The following GABRR3 variants were observed in gnomAD, a reference collection of about 807,000 sequenced individuals.
GABRR3 encodes the protein gamma-aminobutyric acid receptor subunit rho-3.
In GABRR3, 29 loss-of-function variants were observed where a neutral mutation model predicts 43.2. That is an observed-to-expected ratio of 0.67 (90% confidence interval 0.50 to 0.92). GABRR3 has a LOEUF of 0.92. Ranked by LOEUF, GABRR3 falls within the 40% of genes least tolerant of loss-of-function variation. GABRR3 has a pLI of 0.00. For synonymous variants in GABRR3, 206 were observed against 195.9 expected, an observed-to-expected ratio of 1.05 and a Z score of -0.43; for missense variants, 576 against 572.3, an observed-to-expected ratio of 1.01 and a Z score of -0.07.
chr3:97,986,731 G>C, exon 10 of GABRR3: 5 of 1,582,544 alleles, frequency 3.2e-6, no homozygotes, highest in Non-Finnish European at 4.3e-6. Context: ...TATACACAAT[G>C]GGGAATAAAA....
chr3:98,006,938 T>TG (rs1706729644), intron 7 of GABRR3, among the ~76,000 whole-genome samples: 1 of 152,178 alleles, frequency 6.6e-6, no homozygotes, highest in Non-Finnish European at 1.5e-5. Flanking sequence ...GTTTTCTGTT[T>TG]GGGGCAATGA....
chr3:98,010,835 C>T (rs925106208), intron 5 of GABRR3, among the ~76,000 whole-genome samples: 2 of 152,330 alleles, frequency 1.3e-5, no homozygotes, highest in Admixed American at 6.5e-5. Context: ...CACCATGGCT[C>T]ACACCTGTAA....
chr3:97,993,125 G>T, intron 8 of GABRR3, 77 bp from the exon 9 acceptor site: 1 of 1,185,030 alleles, frequency 8.4e-7, no homozygotes. Flanking sequence ...CACACCAGGG[G>T]ATGCATTTCT....
intron 2 of GABRR3, among the ~76,000 whole-genome samples, chr3:98,027,598 C>T (rs1707037634): frequency 6.6e-6 from 1 of 152,258 alleles, no homozygotes; most frequent in South Asian, 2.1e-4. Flanking sequence ...TGCGAAAGCA[C>T]CTGCACCTGT....
At chr3:98,031,958 A>G (rs937386100) in intron 2 of GABRR3, among the ~76,000 whole-genome samples, 7 of 152,082 alleles carry the variant, frequency 4.6e-5, no homozygotes, top group African/African-American at 1.7e-4. Flanking sequence ...TCTTTAGGAA[A>G]AAAAGCCCCA....
chr3:98,019,638 G>A (rs1208292962), intron 3 of GABRR3, among the ~76,000 whole-genome samples: 1 of 151,864 alleles, frequency 6.6e-6, no homozygotes, highest in Non-Finnish European at 1.5e-5. Context: ...CAGGCTGGAG[G>A]GCAGTGGCAC....
chr3:98,029,315 CCTCTT>C (rs1451292482), intron 2 of GABRR3, among the ~76,000 whole-genome samples: 1 of 152,066 alleles, frequency 6.6e-6, no homozygotes, highest in Non-Finnish European at 1.5e-5. Flanking sequence ...TTCTATGCTC[CCTCTT>C]CTCAGTGTCA....
intron 7 of GABRR3, among the ~76,000 whole-genome samples, chr3:98,003,575 ACGTTGTGAAG>A (rs1706683156): frequency 6.6e-6 from 1 of 151,892 alleles, no homozygotes; most frequent in Non-Finnish European, 1.5e-5. Flanking sequence ...CTGCCTTGGA[ACGTTGTGAAG>A]CCTTCATTTT....
At chr3:98,008,798 C>CAAAAAAAAAA (rs57502092) in intron 6 of GABRR3, 158 bp downstream of exon 6, 2 of 113,848 alleles carry the variant, frequency 1.8e-5, no homozygotes, top group Non-Finnish European at 3.5e-5. Flanking sequence ...AAACAGAAAC[C>CAAAAAAAAAA]AAAAAAAAAA....
At chr3:98,013,332 A>G (rs773956338) in intron 4 of GABRR3, among the ~76,000 whole-genome samples, 2 of 152,220 alleles carry the variant, frequency 1.3e-5, no homozygotes, top group African/African-American at 2.4e-5. Context: ...CTAGCATTAT[A>G]TTAGAAAAAA....
chr3:98,023,121 C>T (rs545855753), intron 3 of GABRR3, among the ~76,000 whole-genome samples: 6 of 152,252 alleles, frequency 3.9e-5, no homozygotes, highest in Admixed American at 1.3e-4. Flanking sequence ...ATCTGCATTT[C>T]TAACTCCCAG....
intron 3 of GABRR3, among the ~76,000 whole-genome samples, chr3:98,021,776 A>G (rs1287241852): frequency 2.6e-5 from 4 of 152,202 alleles, no homozygotes; most frequent in Non-Finnish European, 5.9e-5. Context: ...TCCTTTTTGT[A>G]TATGGCAAGA....
At chr3:98,016,965 C>T (rs894706970) in intron 4 of GABRR3, among the ~76,000 whole-genome samples, 1 of 151,970 alleles carries the variant, frequency 6.6e-6, no homozygotes, top group Non-Finnish European at 1.5e-5. Flanking sequence ...AACAGAAAAG[C>T]AAGGCATGCA....
intron 8 of GABRR3, among the ~76,000 whole-genome samples, chr3:97,994,971 C>G (rs1237712804): frequency 6.6e-6 from 1 of 151,874 alleles, no homozygotes; most frequent in Non-Finnish European, 1.5e-5. Flanking sequence ...GTGCTAACCT[C>G]ATTAATTTGA....
At chr3:98,012,003 A>G (rs1044530084) in intron 5 of GABRR3, among the ~76,000 whole-genome samples, 8 of 152,050 alleles carry the variant, frequency 5.3e-5, no homozygotes, top group Admixed American at 3.3e-4. Context: ...AGGTTCCAAA[A>G]CTGCTTGGTG....
intron 5 of GABRR3, among the ~76,000 whole-genome samples, chr3:98,010,498 AC>A (rs762934773): frequency 3.3e-5 from 5 of 152,112 alleles, no homozygotes; most frequent in African/African-American, 4.8e-5. Context: ...CAAAGTCTCC[AC>A]CGTAAATCAC....
chr3:98,007,540 A>T (rs1706736524), intron 7 of GABRR3, among the ~76,000 whole-genome samples: 1 of 152,222 alleles, frequency 6.6e-6, no homozygotes, highest in Non-Finnish European at 1.5e-5. Context: ...TTGAGACTGG[A>T]GAAGTCAAGA....
At chr3:98,007,412 G>A (rs1706734668) in intron 7 of GABRR3, among the ~76,000 whole-genome samples, 1 of 152,182 alleles carries the variant, frequency 6.6e-6, no homozygotes, top group Admixed American at 6.5e-5. Flanking sequence ...TTAGGCAGGA[G>A]ACTGATCACG....
chr3:97,992,947 T>C (rs571502145), exon 9 of GABRR3: 1 of 1,613,720 alleles, frequency 6.2e-7, no homozygotes, highest in South Asian at 1.1e-5. Flanking sequence ...AAGAGGGAGC[T>C]GACCCACAGG....
Sources: allele counts gnomAD v4.1 joint callset (sites outside exome capture counted in the v4.1 genomes callset), GRCh38; gene constraint gnomAD v4.1.1; transcripts MANE v1.5; gene names NCBI Gene and HGNC (gene_info 2026-07-23, HGNC 2026-07-21).